Variants in BCAS3 observed in about 807,000 individuals in gnomAD.
BCAS3 encodes the protein BCAS3 microtubule associated cell migration factor.
Under a neutral mutation model 116.1 loss-of-function variants are expected in BCAS3, and 53 were observed. That is an observed-to-expected ratio of 0.46 (90% CI 0.37 to 0.57). BCAS3 has a LOEUF of 0.57. Ranked by LOEUF, BCAS3 falls within the 20% of genes least tolerant of loss-of-function variation. The pLI is 0.00. For synonymous variants in BCAS3, 391 were observed against 408.2 expected, an observed-to-expected ratio of 0.96 and a Z score of 0.51; for missense variants, 917 against 1,165.4, an observed-to-expected ratio of 0.79 and a Z score of 3.10.
intron 5 of BCAS3, among the ~76,000 whole-genome samples, chr17:60,725,481 T>C (rs2039723610): frequency 2.6e-5 from 4 of 152,232 alleles, no homozygotes; most frequent in Admixed American, 2.0e-4. Context: ...TAAAGTAAGA[T>C]GTGAGCATTG....
At chr17:60,745,970 T>G (rs573058197) in intron 5 of BCAS3, among the ~76,000 whole-genome samples, 18 of 152,238 alleles carry the variant, frequency 1.2e-4, no homozygotes, top group Admixed American at 1.0e-3. Context: ...CTCTGTAGAT[T>G]TATAGTAATA....
intron 11 of BCAS3, among the ~76,000 whole-genome samples, chr17:60,909,079 A>T (rs1389366859): frequency 6.6e-6 from 1 of 152,142 alleles, no homozygotes; most frequent in Non-Finnish European, 1.5e-5. Flanking sequence ...TCTTTCATAA[A>T]ATTGAAGTAT....
chr17:60,936,956 T>A (rs1392454029), intron 13 of BCAS3, among the ~76,000 whole-genome samples: 1 of 152,166 alleles, frequency 6.6e-6, no homozygotes, highest in Admixed American at 6.5e-5. Context: ...CTGAATGGTA[T>A]TGCCTAGGTT....
Position 61,374,552 on chromosome 17 carries a change from G to A in BCAS3, c.2593+6058G>A, listed in dbSNP as rs537435598. 1.5e-4 allele frequency among the ~76,000 whole-genome samples: 23 copies of A among 152,240 alleles called. No homozygotes were observed. In the East Asian group the frequency reaches 4.3e-3, roughly 28 times the overall value. ...GTTCCCCGTGACTGTTCCTTCCTGC[G>A]GCCCCGGGCTCACTGATTCTTCTTT... On this transcript the variant is annotated intron_variant, in intron 23 of 23. Transcript: ENST00000407086.
rs1230634886 is a variant in BCAS3 at position 61,126,024 on chromosome 17, G to A, written c.2425+41460G>A. Among the ~76,000 whole-genome samples the A allele has an allele frequency of 6.6e-6, 1 of 152,150 alleles. No homozygotes were observed. Among genetic ancestry groups the A allele is most frequent in the Non-Finnish European group, 1.5e-5 (1 of 67,992 alleles). On this transcript the variant is annotated intron_variant, in intron 22 of 23. Coordinates refer to ENST00000407086, the MANE Select transcript of BCAS3 (RefSeq NM_017679.5). The surrounding 1 kb of genome is among the most constrained non-coding windows in gnomAD (Gnocchi z 4.6). ...ATGGAGTTGAGATTCTACTTGAATT[G>A]TGTTATTGGGAATTCTGAGTAATGT... is the stretch of plus-strand genomic sequence containing the variant.
intron 13 of BCAS3, among the ~76,000 whole-genome samples, chr17:60,936,743 T>C (rs1442347741): frequency 6.6e-6 from 1 of 152,232 alleles, no homozygotes; most frequent in Non-Finnish European, 1.5e-5. Flanking sequence ...GAGTTTATTG[T>C]AGATTCTCGA....
intron 4 of BCAS3, among the ~76,000 whole-genome samples, chr17:60,700,507 G>C (rs2036249973): frequency 6.6e-6 from 1 of 152,196 alleles, no homozygotes. Flanking sequence ...CTATATTGAG[G>C]AAGTCACTAG....
intron 3 of BCAS3, among the ~76,000 whole-genome samples, chr17:60,687,257 T>C (rs2034188528): frequency 6.6e-6 from 1 of 152,136 alleles, no homozygotes; most frequent in Non-Finnish European, 1.5e-5. Flanking sequence ...GAAGGGCTTT[T>C]AATCAGTGCT....
intron 12 of BCAS3, among the ~76,000 whole-genome samples, chr17:60,919,743 G>A (rs947805500): frequency 6.6e-6 from 1 of 151,906 alleles, no homozygotes; most frequent in Non-Finnish European, 1.5e-5. Context: ...TAACTCAAAG[G>A]AGTAGGTAGC....
Position 61,372,607 on chromosome 17 carries a change from G to C in BCAS3, c.2593+4113G>C, listed in dbSNP as rs543520295. Among the ~76,000 whole-genome samples the C allele has an allele frequency of 1.0e-3, 152 of 152,198 alleles. 1 individual carries two copies. The highest frequency in any genetic ancestry group is 3.6e-3 in the African/African-American group (150 of 41,518). The stretch of plus-strand genomic sequence containing the variant: ...CCAAAGCCCTTTGAGACCAGCCACT[G>C]CCCTCGCTCCAGACTCATCTCTTGC... On this transcript the variant is annotated intron_variant, in intron 23 of 23. Transcript: ENST00000407086.
intron 13 of BCAS3, among the ~76,000 whole-genome samples, chr17:60,934,123 C>A (rs2145197117): frequency 6.7e-6 from 1 of 149,802 alleles, no homozygotes; most frequent in African/African-American, 2.5e-5. Flanking sequence ...GAAAAAAAAA[C>A]ATGGTTTTAA....
intron 22 of BCAS3, among the ~76,000 whole-genome samples, chr17:61,110,101 C>T (rs1159179646): frequency 1.3e-5 from 2 of 152,158 alleles, no homozygotes; most frequent in African/African-American, 4.8e-5. Context: ...TTTAATCCAT[C>T]TTGAGTTGAT....
intron 7 of BCAS3, among the ~76,000 whole-genome samples, chr17:60,848,855 A>AAG (rs1344160576): frequency 2.0e-5 from 3 of 151,448 alleles, no homozygotes; most frequent in African/African-American, 7.3e-5. Flanking sequence ...AAAAAAAAAA[A>AAG]GTACTCTTGT....
chr17:60,848,840 C>CAAA (rs79372456), intron 7 of BCAS3, among the ~76,000 whole-genome samples: 7 of 118,766 alleles, frequency 5.9e-5, no homozygotes, highest in Non-Finnish European at 9.6e-5. Flanking sequence ...GCTGGGACTA[C>CAAA]AAAAAAAAAA....
At chr17:60,925,719 CTCTT>C (rs1170076986) in intron 13 of BCAS3, among the ~76,000 whole-genome samples, 1 of 152,126 alleles carries the variant, frequency 6.6e-6, no homozygotes, top group Non-Finnish European at 1.5e-5. Context: ...TTCTCTCTCT[CTCTT>C]TTTCTTTTAA....
At chr17:60,882,763 A>G (rs1467353530) in intron 9 of BCAS3, among the ~76,000 whole-genome samples, 4 of 147,682 alleles carry the variant, frequency 2.7e-5, no homozygotes, top group Non-Finnish European at 4.5e-5. Flanking sequence ...GGTATGTGGC[A>G]TTATTTCTGA....
intron 22 of BCAS3, among the ~76,000 whole-genome samples, chr17:61,236,217 G>A (rs1260262099): frequency 6.6e-6 from 1 of 152,224 alleles, no homozygotes; most frequent in Non-Finnish European, 1.5e-5. Flanking sequence ...TGAGGCAGTG[G>A]CATTTTCGTG....
At chr17:61,192,440 C>T (rs888978629) in intron 22 of BCAS3, among the ~76,000 whole-genome samples, 2 of 151,824 alleles carry the variant, frequency 1.3e-5, no homozygotes, top group African/African-American at 4.8e-5. Flanking sequence ...TATCTATGTA[C>T]GTTGTAGTGT....
At chr17:60,679,995 G>A (rs1310030437) in intron 2 of BCAS3, among the ~76,000 whole-genome samples, 4 of 151,896 alleles carry the variant, frequency 2.6e-5, no homozygotes, top group South Asian at 2.1e-4. Flanking sequence ...AAAATTAGCC[G>A]GGTATGGTGG....
Sources: gnomAD v4.1 joint callset for allele counts (sites outside exome capture counted in the v4.1 genomes callset) on GRCh38, gnomAD v4.1.1 for gene constraint, Gnocchi (gnomAD v3.1) non-coding constraint, MANE v1.5 for transcripts, NCBI Gene and HGNC (gene_info 2026-07-23, HGNC 2026-07-21) for gene names.